The following ZSCAN5A variants were observed in gnomAD, a reference collection of about 807,000 sequenced individuals.
The protein encoded by ZSCAN5A is zinc finger and SCAN domain-containing protein 5A.
Under a neutral mutation model 23.7 loss-of-function variants are expected in ZSCAN5A, and 12 were observed. The ratio of observed to expected loss-of-function variants is 0.51; its 90% CI spans 0.32 to 0.82. ZSCAN5A has a LOEUF of 0.82. Ranked by LOEUF, ZSCAN5A falls within the 40% of genes least tolerant of loss-of-function variation. ZSCAN5A has a pLI of 0.03. For synonymous variants in ZSCAN5A, 257 were observed against 239.9 expected, an observed-to-expected ratio of 1.07 and a Z score of -0.66; for missense variants, 597 against 617.9, an observed-to-expected ratio of 0.97 and a Z score of 0.36.
At chr19:56,235,144 GCCTCC>G in intron 2 of ZSCAN5A, among the ~76,000 whole-genome samples, 1 of 76,882 alleles carries the variant, frequency 1.3e-5, no homozygotes, top group African/African-American at 4.9e-5. Flanking sequence ...GGTGGGCCAA[GCCTCC>G]ACTCCAGCCT....
At position 56,326,242 on chromosome 19, in the gene ZSCAN5A, T is replaced by C. The variant is rs145949573; in HGVS notation, c.-357-9974A>G. On this transcript the variant is annotated intron_variant, in intron 2 of 6. Coordinates refer to the ZSCAN5A transcript ENST00000587340. ...GTGAGCCACCACGCCTGGCCTGATATACGTATATATTGTAAAATGTCTAAA... is the reference window on the plus strand; with the variant it reads ...GTGAGCCACCACGCCTGGCCTGATACACGTATATATTGTAAAATGTCTAAA... 1.6e-3 allele frequency among the ~76,000 whole-genome samples: 248 copies of C among 152,164 alleles called. 2 individuals are homozygous for C. In the East Asian group the frequency reaches 0.035, roughly 22 times the overall value.
intron 2 of ZSCAN5A, 166 bp from the exon 3 acceptor site, chr19:56,225,339 A>ATGACC: frequency 2.4e-6 from 1 of 424,190 alleles, no homozygotes. Context: ...TAAAATCTTA[A>ATGACC]TGACCCCTGG....
chr19:56,366,756 C>T (rs1309377477), intron 1 of ZSCAN5A, among the ~76,000 whole-genome samples: 1 of 152,194 alleles, frequency 6.6e-6, no homozygotes, highest in African/African-American at 2.4e-5. Flanking sequence ...AATTCATGAA[C>T]TGCTATCTGC....
chr19:56,295,078 G>A (rs941636155), intron 2 of ZSCAN5A: 6 of 152,192 alleles, frequency 3.9e-5, no homozygotes, highest in East Asian at 1.9e-4. Context: ...TGATGAAAAC[G>A]TTCTAAAATT....
chr19:56,329,474 TTAAGTA>T (rs1408667034), intron 2 of ZSCAN5A, among the ~76,000 whole-genome samples: 3 of 152,010 alleles, frequency 2.0e-5, no homozygotes, highest in Non-Finnish European at 4.4e-5. Flanking sequence ...AGTTATAGTA[TTAAGTA>T]TATCAGTAAA....
chr19:56,349,659 C>T (rs561336113), intron 2 of ZSCAN5A, among the ~76,000 whole-genome samples: 15 of 130,482 alleles, frequency 1.1e-4, no homozygotes, highest in African/African-American at 4.1e-4. Context: ...TAGCCAAGAT[C>T]ACACCACTGC....
At chr19:56,235,094 T>C (rs1267250089) in intron 2 of ZSCAN5A, among the ~76,000 whole-genome samples, 14 of 120,028 alleles carry the variant, frequency 1.2e-4, no homozygotes, top group East Asian at 4.8e-4. Flanking sequence ...CAACCTCTGA[T>C]GGACGGTGGG....
chr19:56,321,590 T>C (rs950608747), intron 2 of ZSCAN5A: 4 of 785,414 alleles, frequency 5.1e-6, no homozygotes, highest in African/African-American at 3.4e-5. Context: ...GACTGTGGCA[T>C]CCCCATATCT....
chr19:56,222,697 G>A lies in ZSCAN5A; in HGVS notation c.633C>T (p.Asp211=). ...TCTGCTTGGGTCTCAGAGACTTTGGGTCACCTGTTACGTCAATACTCTTGT... is the reference window on the plus strand; with the variant it reads ...TCTGCTTGGGTCTCAGAGACTTTGGATCACCTGTTACGTCAATACTCTTGT... ...LLHKSIDVTG[D]PKSLRPKQTL... The change falls in exon 5 of 6, where the codon GAC becomes GAT. Residue 211 remains aspartate, a synonymous_variant. Coordinates refer to ENST00000683990, the MANE Select transcript of ZSCAN5A (RefSeq NM_001322064.3). The A allele has an allele frequency of 1.2e-6, 2 of 1,614,080 alleles. No homozygotes were observed. The highest frequency in any genetic ancestry group is 1.1e-5 in the South Asian group (1 of 91,068).
At chr19:56,263,829 A>G (rs1209818923) in intron 2 of ZSCAN5A, 1 of 152,184 alleles carries the variant, frequency 6.6e-6, no homozygotes, top group East Asian at 1.9e-4. Context: ...AATAACAATA[A>G]TTATAATAGT....
At position 56,221,673 on chromosome 19, in the gene ZSCAN5A, C is replaced by G. The variant is rs776463840; in HGVS notation, c.1393G>C (p.Glu465Gln). 1 of 1,614,244 alleles carries G rather than the reference C, an allele frequency of 6.2e-7. No individual in the cohort carries two copies. Among genetic ancestry groups the G allele is most frequent in the Non-Finnish European group, 8.5e-7 (1 of 1,180,056 alleles). The change falls in exon 6 of 6, where the codon GAG becomes CAG. Residue 465 changes from glutamate to glutamine, a missense_variant. This residue lies in a region of ZSCAN5A where 87 missense variants were observed against 74.4 expected (regional missense o/e 1.17). Coordinates refer to ENST00000683990, the MANE Select transcript of ZSCAN5A (RefSeq NM_001322064.3). ...LKEHQRIHSG[E>Q]KPYKCSKCPR... The stretch of plus-strand genomic sequence containing the variant: ...CACTTGGAACATTTGTAGGGTTTCT[C>G]TCCGGAGTGGATGCGCTGGTGCTCC...
intron 2 of ZSCAN5A, chr19:56,225,442 A>C (rs571497399): frequency 7.9e-5 from 13 of 165,302 alleles, no homozygotes; most frequent in Admixed American, 2.5e-4. Context: ...TAAATAAGAT[A>C]GTTAGGTGAA....
intron 2 of ZSCAN5A, among the ~76,000 whole-genome samples, chr19:56,257,908 C>A (rs2036825111): frequency 7.4e-6 from 1 of 134,974 alleles, no homozygotes; most frequent in African/African-American, 2.9e-5. Context: ...TCTTCTTAGA[C>A]ACAGGCGCCG....
At chr19:56,228,207 C>G (rs989685129) in intron 2 of ZSCAN5A, 3 of 984,658 alleles carry the variant, frequency 3.0e-6, no homozygotes, top group Admixed American at 6.2e-5. Context: ...CAACCCCCGA[C>G]ATGCCAGCTC....
chr19:56,225,731 T>C (rs1048551544), intron 2 of ZSCAN5A, among the ~76,000 whole-genome samples: 2 of 152,154 alleles, frequency 1.3e-5, no homozygotes, highest in East Asian at 3.9e-4. Context: ...TTTTACTCTC[T>C]TCAAGTTCAC....
At chr19:56,300,568 C>T (rs1031262512) in intron 2 of ZSCAN5A, among the ~76,000 whole-genome samples, 1 of 152,190 alleles carries the variant, frequency 6.6e-6, no homozygotes, top group East Asian at 1.9e-4. Context: ...ATAATGCTGG[C>T]CGCAGGCTTA....
rs566224332 is a variant in ZSCAN5A, at chr19:56,312,702, G to A, written c.-128+581C>T. Among the ~76,000 whole-genome samples, 6 of 152,348 alleles carry A rather than the reference G, an allele frequency of 3.9e-5. No individual in the cohort carries two copies. In the East Asian group the frequency reaches 1.2e-3, roughly 29 times the overall value. ...GTGGCAGTGGGGAAGGGGTACATGA[G>A]AATGCTCTGTACTGTATCATTGCAA... On this transcript the variant is annotated intron_variant, in intron 2 of 5. Transcript: ENST00000683990.
At chr19:56,358,801 GAAC>G (rs2041714361) in intron 2 of ZSCAN5A, among the ~76,000 whole-genome samples, 1 of 152,174 alleles carries the variant, frequency 6.6e-6, no homozygotes, top group Admixed American at 6.5e-5. Flanking sequence ...CATGGAAATT[GAAC>G]AACCTGCTCC....
Position 56,351,131 on chromosome 19 carries a change from C to T in ZSCAN5A, c.-358+12104G>A, listed in dbSNP as rs926044638. On this transcript the variant is annotated intron_variant, in intron 2 of 6. Coordinates refer to the ZSCAN5A transcript ENST00000587340. The surrounding 1 kb of genome is among the most constrained non-coding windows in gnomAD (Gnocchi z 4.8). ...TTATTAAGAAATCATTTTAGGCATA[C>T]AGTAAGGGTAAAGGTTCTTGGTGAA... Among the ~76,000 whole-genome samples, 2 of 152,028 alleles carry T rather than the reference C, an allele frequency of 1.3e-5. No individual in the cohort carries two copies. Among genetic ancestry groups the T allele is most frequent in the Non-Finnish European group, 2.9e-5 (2 of 68,026 alleles).
Sources: gnomAD v4.1 joint callset for allele counts (sites outside exome capture counted in the v4.1 genomes callset) on GRCh38, gnomAD v4.1.1 for gene constraint, gnomAD v4.1.1 regional missense constraint, Gnocchi (gnomAD v3.1) non-coding constraint, MANE v1.5 for transcripts, NCBI Gene and HGNC (gene_info 2026-07-23, HGNC 2026-07-21) for gene names.